The following ARK2C variants were observed in gnomAD, a reference collection of about 807,000 sequenced individuals.
ARK2C encodes arkadia (RNF111) C-terminal like ring finger ubiquitin ligase 2C.
At chr18:46,408,242 G>A in the ARK2C span, among the ~76,000 whole-genome samples, 5,697 of 152,312 alleles carry the variant, frequency 0.037, 156 homozygotes, top group Non-Finnish European at 0.052. Context: ...GGGAAGGTCC[G>A]CAGAAGGTGT....
At chr18:46,373,365 G>A in the ARK2C span, among the ~76,000 whole-genome samples, 3 of 152,254 alleles carry the variant, frequency 2.0e-5, no homozygotes, top group Non-Finnish European at 4.4e-5. Context: ...CTGGAAGGCG[G>A]CTGGCCTGCC....
chr18:46,447,396 G>A, the ARK2C span: 2 of 711,980 alleles, frequency 2.8e-6, no homozygotes, highest in South Asian at 3.7e-5. Context: ...CTGAGTCTCT[G>A]TTTCCTTCCC....
At chr18:46,353,515 T>C in the ARK2C span, among the ~76,000 whole-genome samples, 1 of 152,170 alleles carries the variant, frequency 6.6e-6, no homozygotes, top group African/African-American at 2.4e-5. Flanking sequence ...ACTCAATGAA[T>C]GCTAGTTTGC....
At chr18:46,432,839 G>C in the ARK2C span, among the ~76,000 whole-genome samples, 1 of 152,200 alleles carries the variant, frequency 6.6e-6, no homozygotes, top group Non-Finnish European at 1.5e-5. Context: ...CAGCTACTCG[G>C]GAGGCTGAGG....
the ARK2C span, among the ~76,000 whole-genome samples, chr18:46,373,482 G>T: frequency 1.3e-5 from 2 of 152,222 alleles, no homozygotes; most frequent in Admixed American, 6.5e-5. Flanking sequence ...GGCCTGCCTG[G>T]GTGCATCCTG....
chr18:46,371,556 A>T, the ARK2C span, among the ~76,000 whole-genome samples: 3 of 152,202 alleles, frequency 2.0e-5, no homozygotes, highest in East Asian at 3.9e-4. Flanking sequence ...AGCAAACAAG[A>T]TCTTTATGAA....
the ARK2C span, among the ~76,000 whole-genome samples, chr18:46,418,166 T>G: frequency 6.6e-6 from 1 of 152,028 alleles, no homozygotes; most frequent in Admixed American, 6.6e-5. Context: ...CTGGGCAACA[T>G]AGTGAGACCC....
At chr18:46,336,893 C>A in the ARK2C span, 3 of 985,264 alleles carry the variant, frequency 3.0e-6, no homozygotes, top group Non-Finnish European at 3.6e-6. Flanking sequence ...TTAAAAAAAT[C>A]TTTGATGAAA....
At chr18:46,440,942 T>C in the ARK2C span, among the ~76,000 whole-genome samples, 1 of 152,164 alleles carries the variant, frequency 6.6e-6, no homozygotes, top group Non-Finnish European at 1.5e-5. Flanking sequence ...GGGAAGTCTT[T>C]CCTCATCTAC....
chr18:46,461,725 A>T, the ARK2C span: 1 of 151,760 alleles, frequency 6.6e-6, no homozygotes, highest in Non-Finnish European at 1.5e-5. Context: ...AGAAGAGAAG[A>T]ATAGAGAGAG....
the ARK2C span, among the ~76,000 whole-genome samples, chr18:46,434,217 C>G: frequency 6.6e-6 from 1 of 152,146 alleles, no homozygotes; most frequent in Non-Finnish European, 1.5e-5. Context: ...TCTCAGGACT[C>G]TTTTCCACTC....
At chr18:46,417,999 TAA>T in the ARK2C span, among the ~76,000 whole-genome samples, 1 of 145,896 alleles carries the variant, frequency 6.9e-6, no homozygotes, top group Non-Finnish European at 1.5e-5. Context: ...GCAAGACTCT[TAA>T]AAAAAAAAAG....
chr18:46,426,196 G>GCT, the ARK2C span, among the ~76,000 whole-genome samples: 1 of 152,062 alleles, frequency 6.6e-6, no homozygotes, highest in African/African-American at 2.4e-5. Context: ...GACTCCCTGG[G>GCT]CTCTGTTCCC....
chr18:46,442,417 T>C, the ARK2C span, among the ~76,000 whole-genome samples: 2 of 152,276 alleles, frequency 1.3e-5, no homozygotes, highest in African/African-American at 4.8e-5. Context: ...TGACCCTGGG[T>C]AATTTAGAAG....
chr18:46,417,563 G>A, the ARK2C span, among the ~76,000 whole-genome samples: 6 of 152,190 alleles, frequency 3.9e-5, no homozygotes, highest in African/African-American at 1.4e-4. Context: ...TCTCAGTGAA[G>A]GTTCTCTTGG....
the ARK2C span, among the ~76,000 whole-genome samples, chr18:46,422,586 C>G: frequency 6.6e-6 from 1 of 152,268 alleles, no homozygotes; most frequent in East Asian, 1.9e-4. Flanking sequence ...TCTCTCCTTA[C>G]TGCCATGCTT....
the ARK2C span, among the ~76,000 whole-genome samples, chr18:46,446,531 C>A: frequency 2.7e-4 from 41 of 151,644 alleles, 1 homozygote; most frequent in East Asian, 7.2e-3. Context: ...GTTATCCGGG[C>A]GTGGTGTGGC....
the ARK2C span, among the ~76,000 whole-genome samples, chr18:46,397,894 G>A: frequency 2.8e-3 from 407 of 146,526 alleles, 3 homozygotes; most frequent in South Asian, 0.017. Context: ...ATGCTGAGGT[G>A]TGAGGGGGTG....
the ARK2C span, chr18:46,334,810 G>GGATT: frequency 6.5e-6 from 1 of 153,092 alleles, no homozygotes; most frequent in Non-Finnish European, 1.2e-5. The surrounding 1 kb of genome is among the most constrained non-coding windows in gnomAD (Gnocchi z 4.4). Context: ...TGTGTGTTTT[G>GGATT]TATTCATTTT....
Sources: allele counts gnomAD v4.1 joint callset (sites outside exome capture counted in the v4.1 genomes callset), GRCh38; gene constraint gnomAD v4.1.1; non-coding constraint Gnocchi (gnomAD v3.1); transcripts MANE v1.5; gene names NCBI Gene and HGNC (gene_info 2026-07-23, HGNC 2026-07-21).